Variants in LRIG1 observed in about 807,000 individuals in gnomAD.
LRIG1 encodes leucine rich repeats and immunoglobulin like domains 1.
LRIG1 carries 48 observed loss-of-function variants against 99.2 expected under a neutral mutation model. The ratio of observed to expected loss-of-function variants is 0.48; its 90% confidence interval spans 0.38 to 0.62. The LOEUF (loss-of-function observed/expected upper bound fraction) is 0.62, where lower values mean the gene tolerates loss of function less well. Ranked by LOEUF, LRIG1 falls within the 20% of genes least tolerant of loss-of-function variation. The probability of loss-of-function intolerance (pLI) is 0.00; values close to 1 mark genes in which losing one functional copy is unlikely to be tolerated. For missense variants in LRIG1, 1,646 were observed against 1,434.4 expected, an observed-to-expected ratio of 1.15 and a Z score of -2.38; for synonymous variants, 772 against 596.1, an observed-to-expected ratio of 1.29 and a Z score of -4.30.
At chr3:66,423,705 G>A (rs1452282256) in intron 3 of LRIG1, among the ~76,000 whole-genome samples, 1 of 152,218 alleles carries the variant, frequency 6.6e-6, no homozygotes, top group Non-Finnish European at 1.5e-5. Context: ...TCTTCCTGCT[G>A]TGGAACATGG....
At chr3:66,446,839 A>C (rs1325027510) in intron 3 of LRIG1, among the ~76,000 whole-genome samples, 17 of 148,236 alleles carry the variant, frequency 1.1e-4, no homozygotes, top group Non-Finnish European at 3.0e-5. Flanking sequence ...CATGAGAGAA[A>C]AATGCTTTCC....
intron 3 of LRIG1, among the ~76,000 whole-genome samples, chr3:66,446,406 T>TC (rs971900309): frequency 2.0e-5 from 3 of 149,500 alleles, no homozygotes; most frequent in Non-Finnish European, 4.5e-5. Context: ...CACCCGCCTT[T>TC]TTTTTTTTTT....
chr3:66,435,734 T>C (rs189080406), intron 3 of LRIG1, among the ~76,000 whole-genome samples: 4 of 152,154 alleles, frequency 2.6e-5, no homozygotes, highest in East Asian at 3.9e-4. Flanking sequence ...GATGTCACCA[T>C]TGGGAGAAAC....
intron 8 of LRIG1, chr3:66,405,828 A>T: frequency 1.7e-6 from 2 of 1,145,308 alleles, no homozygotes; most frequent in Non-Finnish European, 2.2e-6. Context: ...CAGGGAGGAC[A>T]TCTGGGTGCT....
chr3:66,401,534 CAATAA>C (rs1277307494), intron 9 of LRIG1: 18 of 1,010,640 alleles, frequency 1.8e-5, no homozygotes, highest in Admixed American at 9.1e-5. Flanking sequence ...GTGACAATAG[CAATAA>C]AATAAATTCT....
intron 3 of LRIG1, among the ~76,000 whole-genome samples, chr3:66,423,688 G>A (rs1390671716): frequency 2.0e-5 from 3 of 152,214 alleles, no homozygotes; most frequent in Admixed American, 6.5e-5. Flanking sequence ...CAAGGCACAT[G>A]TGGAGTTCTT....
At position 66,385,998 on chromosome 3, in the gene LRIG1, G is replaced by A; in HGVS notation, c.1772C>T (p.Ala591Val). Residue 591 changes from alanine to valine, a missense_variant, in exon 13 of 19, where the codon GCC becomes GTC. Ala to Val is a moderately conservative substitution (Grantham distance 64). Transcript: ENST00000273261. Reference sequence around the variant, plus strand: ...TTCCATACCATTCACGGTGAGCCTGGCCTTATGTGAATAGGTGGAGCCAAA... The same window carrying A: ...TTCCATACCATTCACGGTGAGCCTGACCTTATGTGAATAGGTGGAGCCAAA... ...NHFGSTYSHK[A>V]RLTVNVLPSF... 6.2e-7 allele frequency: 1 copy of A among 1,614,088 alleles called. No homozygotes were observed. Among genetic ancestry groups the A allele is most frequent in the Non-Finnish European group, 8.5e-7 (1 of 1,179,970 alleles).
intron 1 of LRIG1, among the ~76,000 whole-genome samples, chr3:66,492,752 G>T (rs1463483410): frequency 6.6e-6 from 1 of 152,180 alleles, no homozygotes; most frequent in Non-Finnish European, 1.5e-5. Context: ...ATTAGGACTT[G>T]CAGAAATGAA....
At chr3:66,453,034 TCTC>T (rs2106812354) in intron 2 of LRIG1, among the ~76,000 whole-genome samples, 1 of 152,290 alleles carries the variant, frequency 6.6e-6, no homozygotes, top group South Asian at 2.1e-4. Context: ...TCACCTTTTA[TCTC>T]CTCCAACCCT....
At chr3:66,433,777 T>G (rs760124336) in intron 3 of LRIG1, among the ~76,000 whole-genome samples, 1 of 152,296 alleles carries the variant, frequency 6.6e-6, no homozygotes, top group Non-Finnish European at 1.5e-5. Context: ...CAAAAATGAT[T>G]TGTTACAACA....
At chr3:66,440,329 C>A (rs1037068840) in intron 3 of LRIG1, among the ~76,000 whole-genome samples, 1 of 152,110 alleles carries the variant, frequency 6.6e-6, no homozygotes, top group African/African-American at 2.4e-5. Flanking sequence ...TGAGTGAGAG[C>A]CACCGCTTAA....
In LRIG1 at chr3:66,403,148, C is replaced by T. The variant is rs896675507; in HGVS notation, c.1160+2050G>A. 5.3e-5 allele frequency among the ~76,000 whole-genome samples: 8 copies of T among 152,248 alleles called. No individual in the cohort carries two copies. The East Asian group carries it at 1.5e-3, about 29-fold the overall frequency. On this transcript the variant is annotated intron_variant, in intron 9 of 18. Coordinates refer to ENST00000273261, the MANE Select transcript of LRIG1 (RefSeq NM_015541.3). ...CCAATCCTCCTCCGGTCGTGCCAAT[C>T]TCACCTCATCTCTACCTCTAGCCAC...
At position 66,394,769 on chromosome 3, in the gene LRIG1, T is replaced by C. The variant is rs190147643; in HGVS notation, c.1305-566A>G. Among the ~76,000 whole-genome samples the C allele has an allele frequency of 1.9e-3, 290 of 152,376 alleles. 1 individual carries two copies. The Middle Eastern group carries it at 0.027, about 14-fold the overall frequency. ...TCCTTTTCCATTTGGCAAAGCTGCA[T>C]GTTTTCTTACTTCCAAATGTAATAA... is the stretch of plus-strand genomic sequence containing the variant. On this transcript the variant is annotated intron_variant, in intron 11 of 18. Coordinates refer to ENST00000273261, the MANE Select transcript of LRIG1 (RefSeq NM_015541.3).
chr3:66,481,509 G>C (rs970663197), intron 1 of LRIG1, among the ~76,000 whole-genome samples: 1 of 149,754 alleles, frequency 6.7e-6, no homozygotes, highest in African/African-American at 2.6e-5. Context: ...GCACAGACCG[G>C]AGGGTTTATG....
At position 66,426,790 on chromosome 3, in the gene LRIG1, A is replaced by G. The variant is rs1488553565; in HGVS notation, c.366-9524T>C. ...TATCCTTCCTCGTTTCAGTTCCGCCAATTAGTCTGAAACATACTGAAGCTG... is the reference window on the plus strand; with the variant it reads ...TATCCTTCCTCGTTTCAGTTCCGCCGATTAGTCTGAAACATACTGAAGCTG... On this transcript the variant is annotated intron_variant, in intron 3 of 18. Transcript: ENST00000273261. 2.0e-5 allele frequency among the ~76,000 whole-genome samples: 3 copies of G among 152,310 alleles called. No individual in the cohort carries two copies. In the East Asian group the frequency reaches 5.8e-4, roughly 29 times the overall value.
At chr3:66,398,712 C>T (rs1701946142) in intron 10 of LRIG1, among the ~76,000 whole-genome samples, 1 of 152,318 alleles carries the variant, frequency 6.6e-6, no homozygotes, top group East Asian at 1.9e-4. Flanking sequence ...GGCTGCGCAG[C>T]AGGAGGGGGG....
intron 1 of LRIG1, among the ~76,000 whole-genome samples, chr3:66,482,646 G>A (rs1700877451): frequency 1.3e-5 from 2 of 152,026 alleles, no homozygotes; most frequent in Admixed American, 1.3e-4. Context: ...ATCTGAATTG[G>A]GTAACTCATC....
intron 1 of LRIG1, among the ~76,000 whole-genome samples, chr3:66,478,626 A>T (rs1700778513): frequency 6.6e-6 from 1 of 152,198 alleles, no homozygotes; most frequent in South Asian, 2.1e-4. Flanking sequence ...CTCTGACTAG[A>T]GGACTAACAG....
At chr3:66,483,033 G>A (rs1700885651) in intron 1 of LRIG1, among the ~76,000 whole-genome samples, 2 of 152,012 alleles carry the variant, frequency 1.3e-5, no homozygotes, top group Non-Finnish European at 2.9e-5. Flanking sequence ...ATAGTAACTA[G>A]GCTAACAGAT....
Sources: allele counts gnomAD v4.1 joint callset (sites outside exome capture counted in the v4.1 genomes callset), GRCh38; gene constraint gnomAD v4.1.1; transcripts MANE v1.5; gene names NCBI Gene and HGNC (gene_info 2026-07-23, HGNC 2026-07-21).